The following DDX10 variants were observed in gnomAD, a reference collection of about 807,000 sequenced individuals.
The protein encoded by DDX10 is probable ATP-dependent RNA helicase DDX10.
DDX10 carries 74 observed loss-of-function variants against 104.3 expected under a neutral mutation model. The observed-to-expected ratio is 0.71, with a 90% confidence interval of 0.59 to 0.86. The LOEUF (loss-of-function observed/expected upper bound fraction) is 0.86. Ranked by LOEUF, DDX10 falls within the 40% of genes least tolerant of loss-of-function variation. DDX10 has a pLI of 0.00. For missense variants in DDX10, 952 were observed against 1,040.0 expected, an observed-to-expected ratio of 0.92 and a Z score of 1.16; for synonymous variants, 351 against 353.4, an observed-to-expected ratio of 0.99 and a Z score of 0.08.
At chr11:108,823,733 C>A (rs1293078892) in intron 13 of DDX10, among the ~76,000 whole-genome samples, 5 of 152,192 alleles carry the variant, frequency 3.3e-5, no homozygotes, top group Admixed American at 6.5e-5. Flanking sequence ...AGACTTTAAT[C>A]ATGAATGAAT....
intron 13 of DDX10, among the ~76,000 whole-genome samples, chr11:108,836,967 C>G (rs528199862): frequency 6.6e-6 from 1 of 152,286 alleles, no homozygotes; most frequent in South Asian, 2.1e-4. Context: ...CCTCTCTTTT[C>G]CTTGTGTGAT....
chr11:108,773,907 G>A (rs1225940080), intron 13 of DDX10, among the ~76,000 whole-genome samples: 1 of 152,172 alleles, frequency 6.6e-6, no homozygotes, highest in Non-Finnish European at 1.5e-5. Context: ...CATAAAAGAA[G>A]ATGTCTTGCT....
intron 6 of DDX10, among the ~76,000 whole-genome samples, chr11:108,682,953 C>T (rs924803783): frequency 1.3e-5 from 2 of 151,780 alleles, no homozygotes; most frequent in Middle Eastern, 3.2e-3. Flanking sequence ...TCTGACAGTT[C>T]TCTTGTTCCT....
At chr11:108,732,780 G>A (rs892067259) in intron 13 of DDX10, among the ~76,000 whole-genome samples, 2 of 152,184 alleles carry the variant, frequency 1.3e-5, no homozygotes, top group African/African-American at 4.8e-5. Context: ...GTCTTGTTGG[G>A]TGTTCAGAAA....
At chr11:108,939,382 C>T (rs1864076667) in intron 17 of DDX10, among the ~76,000 whole-genome samples, 1 of 152,168 alleles carries the variant, frequency 6.6e-6, no homozygotes, top group African/African-American at 2.4e-5. Context: ...CTAATGCACT[C>T]CACACTGAGG....
chr11:108,864,838 T>C (rs1340066544), intron 16 of DDX10, among the ~76,000 whole-genome samples: 1 of 152,182 alleles, frequency 6.6e-6, no homozygotes, highest in Non-Finnish European at 1.5e-5. Context: ...GCAGAATGTA[T>C]ACTAGAAGAT....
intron 13 of DDX10, among the ~76,000 whole-genome samples, chr11:108,813,198 C>A (rs57273723): frequency 6.6e-6 from 1 of 152,014 alleles, no homozygotes; most frequent in East Asian, 1.9e-4. Flanking sequence ...TCAAAGGGTA[C>A]GTAAATTTTG....
rs147807319 is a variant in DDX10, at chr11:108,765,161, G to A, written c.1965+41699G>A. 1.5e-3 allele frequency among the ~76,000 whole-genome samples: 230 copies of A among 152,208 alleles called. 4 individuals are homozygous for A. The Middle Eastern group carries it at 0.031, about 20-fold the overall frequency. On this transcript the variant is annotated intron_variant, in intron 13 of 17. Coordinates refer to ENST00000322536, the MANE Select transcript of DDX10 (RefSeq NM_004398.4). ...CATTATTTTGCCAATTCCCTAAAGC[G>A]GGTTTGTACCCTGACTCTGAGGGAA...
chr11:108,936,158 C>T (rs1247840217), intron 17 of DDX10, among the ~76,000 whole-genome samples: 1 of 152,172 alleles, frequency 6.6e-6, no homozygotes, highest in African/African-American at 2.4e-5. Context: ...CAGGTTATCA[C>T]AGGAACAGAG....
chr11:108,926,203 G>T (rs1159824618), intron 17 of DDX10, among the ~76,000 whole-genome samples: 2 of 152,152 alleles, frequency 1.3e-5, no homozygotes, highest in Admixed American at 6.5e-5. Flanking sequence ...GTGGAGCAGG[G>T]ATTCTTAACC....
Position 108,665,288 on chromosome 11 carries a change from A to G in DDX10, c.135A>G (p.Glu45=), listed in dbSNP as rs80077151. 3.3e-5 allele frequency: 53 copies of G among 1,606,960 alleles called. No homozygotes were observed. The highest frequency in any genetic ancestry group is 4.4e-5 in the Non-Finnish European group (52 of 1,177,184). Residue 45 remains glutamate (E), a synonymous_variant, in exon 1 of 18, where the codon GAA becomes GAG. Coordinates refer to ENST00000322536, the MANE Select transcript of DDX10 (RefSeq NM_004398.4). ...KQLRKQLKKP[E]WQVERESISR... The stretch of plus-strand genomic sequence containing the variant: ...TGAGGAAGCAACTGAAGAAACCCGA[A>G]TGGCAGGTCGAGCGCGAGAGTATCA...
intron 13 of DDX10, among the ~76,000 whole-genome samples, chr11:108,783,209 T>G (rs1861735460): frequency 6.6e-6 from 1 of 152,186 alleles, no homozygotes; most frequent in Non-Finnish European, 1.5e-5. Flanking sequence ...ACTGTTTCAG[T>G]CATCTTTATA....
chr11:108,919,502 T>C (rs1306900419), intron 17 of DDX10: 1 of 152,214 alleles, frequency 6.6e-6, no homozygotes. Flanking sequence ...CCTATATAAA[T>C]GCACCTCTTT....
At chr11:108,792,117 G>T (rs1361573065) in intron 13 of DDX10, among the ~76,000 whole-genome samples, 1 of 152,062 alleles carries the variant, frequency 6.6e-6, no homozygotes, top group Non-Finnish European at 1.5e-5. Flanking sequence ...TTAAAAATGG[G>T]TTGTTTATCT....
chr11:108,850,072 T>G (rs1360184249), intron 15 of DDX10, among the ~76,000 whole-genome samples: 1 of 152,170 alleles, frequency 6.6e-6, no homozygotes, highest in East Asian at 1.9e-4. Context: ...AATGATTCAC[T>G]TCAAATTATT....
intron 16 of DDX10, among the ~76,000 whole-genome samples, chr11:108,853,015 A>G (rs1244872489): frequency 6.6e-6 from 1 of 152,198 alleles, no homozygotes; most frequent in African/African-American, 2.4e-5. Context: ...AGCACTTAAG[A>G]GAGCAAGTCA....
In DDX10 at chr11:108,738,000, A is replaced by G. The variant is rs563751696; in HGVS notation, c.1965+14538A>G. On this transcript the variant is annotated intron_variant, in intron 13 of 17. Transcript: ENST00000322536. Reference sequence around the variant, plus strand: ...TGTGATACCTAATTTTGGAAGGTACACTAATTTCAAAATGTTTGATATGGG... The same window carrying G: ...TGTGATACCTAATTTTGGAAGGTACGCTAATTTCAAAATGTTTGATATGGG... Among the ~76,000 whole-genome samples the G allele has an allele frequency of 2.6e-5, 4 of 152,262 alleles. No homozygotes were observed. In the East Asian group the frequency reaches 5.8e-4, roughly 22 times the overall value.
At chr11:108,724,650 C>T (rs2094302914) in intron 13 of DDX10, among the ~76,000 whole-genome samples, 1 of 151,942 alleles carries the variant, frequency 6.6e-6, no homozygotes, top group South Asian at 2.1e-4. Flanking sequence ...AATAATTTAG[C>T]CACTGTATTA....
At chr11:108,791,481 A>G (rs1861870388) in intron 13 of DDX10, among the ~76,000 whole-genome samples, 1 of 152,218 alleles carries the variant, frequency 6.6e-6, no homozygotes, top group African/African-American at 2.4e-5. Flanking sequence ...GGTATGTATA[A>G]TACATTCACT....
Sources: allele counts gnomAD v4.1 joint callset (sites outside exome capture counted in the v4.1 genomes callset), GRCh38; gene constraint gnomAD v4.1.1; transcripts MANE v1.5; gene names NCBI Gene and HGNC (gene_info 2026-07-23, HGNC 2026-07-21).